WDFY4: variants seen among roughly 807,000 people sequenced by gnomAD.
WDFY4 encodes WDFY family member 4.
In WDFY4, 169 loss-of-function variants were observed where a neutral mutation model predicts 351.9. That is an observed-to-expected ratio of 0.48 (90% confidence interval 0.42 to 0.55). WDFY4 has a LOEUF of 0.55. Among genes scored for constraint, WDFY4 ranks in the 20% least tolerant of loss-of-function variants. The probability of loss-of-function intolerance (pLI) is 0.00; values close to 1 mark genes in which losing one functional copy is unlikely to be tolerated. For synonymous variants in WDFY4, 1,622 were observed against 1,574.6 expected, an observed-to-expected ratio of 1.03 and a Z score of -0.71; for missense variants, 3,803 against 3,935.6, an observed-to-expected ratio of 0.97 and a Z score of 0.90.
In WDFY4 at chr10:48,787,842, CTTCTTCTTCTTCTTCT is replaced by C. The variant is rs2066466177; in HGVS notation, c.3809-676_3809-661del. ...TCTTCTTCTTCTTCTTCTTCTTCTT[CTTCTTCTTCTTCTTCT>C]TTCTTCTTCTTTCTTCTTTCTTTCT... On this transcript the variant is annotated intron_variant, in intron 20 of 61. Transcript: ENST00000325239. Among the ~76,000 whole-genome samples the C allele has an allele frequency of 3.6e-5, 5 of 140,280 alleles. 1 individual carries two copies. Among genetic ancestry groups the C allele is most frequent in the African/African-American group, 9.3e-5 (3 of 32,264 alleles). The allele number at this position is 140,280 out of a possible 152,430, so 92.0% of individuals were successfully genotyped here. A position where few individuals can be genotyped will look rare whatever the true frequency, so the allele number is the denominator to read the frequency against.
chr10:48,837,653 G>A (rs1218710349), intron 39 of WDFY4, among the ~76,000 whole-genome samples: 2 of 152,180 alleles, frequency 1.3e-5, no homozygotes, highest in Non-Finnish European at 2.9e-5. Context: ...ACCTGGGGGT[G>A]GGAAGTCTGG....
chr10:48,731,237 C>T lies in WDFY4; in HGVS notation c.1257C>T (p.Asn419=). ...CCATGTGGGCCTGGAATGCTCGAAA[C>T]TTCTTCCTGCTGGAGTGGACCCTGC... The part of the protein sequence containing the change: ...IRTMWAWNAR[N]FFLLEWTLQP... Residue 419 remains asparagine, a synonymous_variant, in exon 9 of 62, where the codon AAC becomes AAT. Transcript: ENST00000325239. 6.4e-7 allele frequency: 1 copy of T among 1,551,988 alleles called. No individual in the cohort carries two copies. The highest frequency in any genetic ancestry group is 8.7e-7 in the Non-Finnish European group (1 of 1,147,050).
intron 57 of WDFY4, among the ~76,000 whole-genome samples, chr10:48,971,653 G>A (rs1043547225): frequency 7.9e-5 from 12 of 152,162 alleles, no homozygotes; most frequent in East Asian, 1.9e-4. Context: ...ACCCTAGACC[G>A]TGTCCTTGTC....
chr10:48,795,864 G>A (rs1015054132), intron 23 of WDFY4, among the ~76,000 whole-genome samples: 1 of 152,126 alleles, frequency 6.6e-6, no homozygotes, highest in Non-Finnish European at 1.5e-5. Context: ...TCCATGCTGG[G>A]ATGGATGCTT....
intron 47 of WDFY4, among the ~76,000 whole-genome samples, chr10:48,935,673 A>T (rs571064834): frequency 6.6e-6 from 1 of 152,192 alleles, no homozygotes; most frequent in East Asian, 1.9e-4. Flanking sequence ...TTCTCTTTGC[A>T]CCCTTTTTCC....
rs1026685886 is a variant in WDFY4 at position 48,805,403 on chromosome 10, G to C, written c.4628G>C (p.Ser1543Thr). Residue 1543 changes from serine (S) to threonine (T), a missense_variant, in exon 26 of 62, where the codon AGC (serine) becomes ACC (threonine). Physicochemically the swap from Ser to Thr is moderately conservative, Grantham distance 58. This residue lies in a region of WDFY4 where 3,054 missense variants were observed against 3,148.6 expected (regional missense o/e 0.97). Coordinates refer to ENST00000325239, the MANE Select transcript of WDFY4 (RefSeq NM_001394531.1). Reference sequence around the variant, plus strand: ...GCCTGTCAGCTGAGGGGCCACTTCAGCACCCAGGACTTGCTCAGGTACCAC... The same window carrying C: ...GCCTGTCAGCTGAGGGGCCACTTCACCACCCAGGACTTGCTCAGGTACCAC... ...ILACQLRGHF[S>T]TQDLLRIGLF... The C allele has an allele frequency of 6.5e-7, 1 of 1,548,678 alleles. No homozygotes were observed. The highest frequency in any genetic ancestry group is 8.7e-7 in the Non-Finnish European group (1 of 1,147,010).
At chr10:48,870,154 C>T (rs2069710140) in intron 40 of WDFY4, among the ~76,000 whole-genome samples, 1 of 152,156 alleles carries the variant, frequency 6.6e-6, no homozygotes, top group South Asian at 2.1e-4. Flanking sequence ...CTGGTCAACC[C>T]CACTGAAGTA....
chr10:48,961,995 G>C (rs1027135733), intron 53 of WDFY4, among the ~76,000 whole-genome samples: 2 of 152,162 alleles, frequency 1.3e-5, no homozygotes, highest in African/African-American at 4.8e-5. Context: ...GGAAAGCCAG[G>C]CTTCATCTAA....
At position 48,817,395 on chromosome 10, in the gene WDFY4, C is replaced by G. The variant is rs1394368602; in HGVS notation, c.5491C>G (p.Leu1831Val). The change falls in exon 32 of 62, where the codon CTG (leucine) becomes GTG (valine). Residue 1831 changes from leucine to valine, a missense_variant. This residue lies in a region of WDFY4 where 3,054 missense variants were observed against 3,148.6 expected (regional missense o/e 0.97). Coordinates refer to ENST00000325239, the MANE Select transcript of WDFY4 (RefSeq NM_001394531.1). Reference sequence around the variant, plus strand: ...GACCTTGGCCATAGCCGCCTTCCCCCTGGGAGCCCAAAAGGTAGGACATGC... The same window carrying G: ...GACCTTGGCCATAGCCGCCTTCCCCGTGGGAGCCCAAAAGGTAGGACATGC... ...LQTLAIAAFP[L>V]GAQKGVGAES... 1.3e-6 allele frequency: 2 copies of G among 1,550,468 alleles called. No homozygotes were observed. Among genetic ancestry groups the G allele is most frequent in the African/African-American group, 1.4e-5 (1 of 73,072 alleles).
intron 11 of WDFY4, 97 bp from the exon 12 acceptor site, chr10:48,742,871 G>T: frequency 8.6e-7 from 1 of 1,157,176 alleles, no homozygotes; most frequent in Non-Finnish European, 1.2e-6. Flanking sequence ...AAGTCGTTGA[G>T]GGAAGAGCTA....
At chr10:48,900,566 G>T (rs1837303061) in intron 46 of WDFY4, among the ~76,000 whole-genome samples, 1 of 152,224 alleles carries the variant, frequency 6.6e-6, no homozygotes, top group Admixed American at 6.5e-5. Flanking sequence ...AGAACAGGAA[G>T]TGAGAAAAAA....
intron 43 of WDFY4, among the ~76,000 whole-genome samples, chr10:48,885,905 G>A (rs1392499089): frequency 6.6e-6 from 1 of 152,094 alleles, no homozygotes; most frequent in Non-Finnish European, 1.5e-5. Context: ...ATAGCCTTTT[G>A]CCTCTTTGAT....
Position 48,731,473 on chromosome 10 carries a change from C to T in WDFY4, c.1493C>T (p.Pro498Leu). 1 of 1,551,678 alleles carries T rather than the reference C, an allele frequency of 6.4e-7. No individual in the cohort carries two copies. Among genetic ancestry groups the T allele is most frequent in the South Asian group, 1.2e-5 (1 of 84,060 alleles). Residue 498 changes from proline (P) to leucine (L), a missense_variant, in exon 9 of 62, where the codon CCC (proline) becomes CTC (leucine). By Grantham distance (98) the Pro-to-Leu change is moderately conservative. Transcript: ENST00000325239. ...ATCCTCAGCATCGCTGGTGGGGACC[C>T]CCTCTTCACCGACATCTTCCGGGAC... ...QSILSIAGGD[P>L]LFTDIFRDSG...
intron 47 of WDFY4, among the ~76,000 whole-genome samples, chr10:48,911,480 A>G (rs1030976111): frequency 3.9e-5 from 6 of 152,258 alleles, no homozygotes; most frequent in Non-Finnish European, 8.8e-5. Context: ...ATAGGCTCTC[A>G]TCACAAGACT....
intron 43 of WDFY4, among the ~76,000 whole-genome samples, chr10:48,889,336 G>C (rs17011373): frequency 6.6e-6 from 1 of 152,066 alleles, no homozygotes; most frequent in African/African-American, 2.4e-5. Context: ...TGGCTTTCAC[G>C]GATCCCATTT....
intron 39 of WDFY4, among the ~76,000 whole-genome samples, chr10:48,846,752 T>C (rs2068790229): frequency 6.6e-6 from 1 of 151,804 alleles, no homozygotes; most frequent in Non-Finnish European, 1.5e-5. Flanking sequence ...TCAGGAAGAG[T>C]GGCTGTGCAG....
rs1277483309 is a variant in WDFY4, at chr10:48,696,235, T to C, written c.-18+11234T>C. On this transcript the variant is annotated intron_variant, in intron 1 of 61. Coordinates refer to ENST00000325239, the MANE Select transcript of WDFY4 (RefSeq NM_001394531.1). ...GATGTCTAGGGCCGCACCGAGGTGATTGCTGGAGTTATCGTGAGTCCAGCA... is the reference window on the plus strand; with the variant it reads ...GATGTCTAGGGCCGCACCGAGGTGACTGCTGGAGTTATCGTGAGTCCAGCA... Among the ~76,000 whole-genome samples, 5 of 152,322 alleles carry C rather than the reference T, an allele frequency of 3.3e-5. No homozygotes were observed. In the East Asian group the frequency reaches 9.7e-4, roughly 29 times the overall value.
rs1321105913 is a variant in WDFY4 at position 48,776,912 on chromosome 10, G to A, written c.3026G>A (p.Arg1009His). The change falls in exon 16 of 62, where the codon CGC (arginine) becomes CAC (histidine). Residue 1009 changes from arginine (R) to histidine (H), a missense_variant. By Grantham distance (29) the Arg-to-His change is conservative. This residue lies in a region of WDFY4 where 3,054 missense variants were observed against 3,148.6 expected (regional missense o/e 0.97). Transcript: ENST00000325239. Reference sequence around the variant, plus strand: ...AGCCTCATCTCCATGACCTCCCCACGCAACCTGCAGCCTCAGAGGGCAGCC... The same window carrying A: ...AGCCTCATCTCCATGACCTCCCCACACAACCTGCAGCCTCAGAGGGCAGCC... ...ALSLISMTSP[R>H]NLQPQRAALA... 8 of 1,552,090 alleles carry A rather than the reference G, an allele frequency of 5.2e-6. No homozygotes were observed. The highest frequency in any genetic ancestry group is 2.0e-5 in the Admixed American group (1 of 50,990).
At chr10:48,948,045 G>A (rs948237913) in intron 51 of WDFY4, among the ~76,000 whole-genome samples, 3 of 152,160 alleles carry the variant, frequency 2.0e-5, no homozygotes, top group Admixed American at 6.5e-5. Flanking sequence ...GACCCTGAGA[G>A]ACCAAAGGCC....
Sources: allele counts gnomAD v4.1 joint callset (sites outside exome capture counted in the v4.1 genomes callset), GRCh38; gene constraint gnomAD v4.1.1; regional missense constraint gnomAD v4.1.1; transcripts MANE v1.5; gene names NCBI Gene and HGNC (gene_info 2026-07-23, HGNC 2026-07-21).